HDGFL2: variants seen among roughly 807,000 people sequenced by gnomAD.
The protein encoded by HDGFL2 is hepatoma-derived growth factor-related protein 2.
HDGFL2 carries 36 observed loss-of-function variants against 77.1 expected under a neutral mutation model. The ratio of observed to expected loss-of-function variants is 0.47; its 90% CI spans 0.36 to 0.62. The LOEUF is 0.62. HDGFL2 is among the 20% of genes least tolerant of loss of function. HDGFL2 has a pLI of 0.00. For synonymous variants in HDGFL2, 463 were observed against 413.1 expected, an observed-to-expected ratio of 1.12 and a Z score of -1.46; for missense variants, 976 against 973.4, an observed-to-expected ratio of 1.00 and a Z score of -0.04.
At chr19:4,489,259 CTT>C (rs11365024) in intron 4 of HDGFL2, among the ~76,000 whole-genome samples, 79 of 143,444 alleles carry the variant, frequency 5.5e-4, no homozygotes, top group Middle Eastern at 3.5e-3. Flanking sequence ...GGCCACCTTT[CTT>C]TTTTTTTTTT....
intron 3 of HDGFL2, 108 bp downstream of exon 3, chr19:4,475,691 T>G: frequency 7.6e-6 from 10 of 1,313,682 alleles, no homozygotes; most frequent in African/African-American, 3.0e-5. Context: ...GGCTCGATCG[T>G]TCCCTGTGGT....
intron 3 of HDGFL2, among the ~76,000 whole-genome samples, chr19:4,481,304 C>T (rs939437713): frequency 2.0e-5 from 3 of 151,794 alleles, no homozygotes; most frequent in African/African-American, 7.3e-5. Context: ...TATTCTCCTG[C>T]CTCAGCCTCC....
Position 4,499,517 on chromosome 19 carries a change from C to A in HDGFL2, c.1602C>A (p.Asp534Glu), listed in dbSNP as rs758188882. 19 of 1,613,784 alleles carry A rather than the reference C, an allele frequency of 1.2e-5. No homozygotes were observed. In the South Asian group the frequency reaches 1.2e-4, roughly 10 times the overall value. The change falls in exon 14 of 16, where the codon GAC becomes GAA. Residue 534 changes from aspartate (D) to glutamate (E), a missense_variant. Asp to Glu is a conservative substitution (Grantham distance 45, BLOSUM62 2). Transcript: ENST00000616600. Reference protein sequence around the residue: ...KKIRRYKANKDVMEKAAEVYT... With the variant: ...KKIRRYKANKEVMEKAAEVYT... ...TTCGCCGTTACAAAGCGAACAAGGACGTAATGGAGAAGGCAGCAGAAGTCT... is the reference window on the plus strand; with the variant it reads ...TTCGCCGTTACAAAGCGAACAAGGAAGTAATGGAGAAGGCAGCAGAAGTCT...
intron 6 of HDGFL2, among the ~76,000 whole-genome samples, chr19:4,493,001 GT>G: frequency 1.5e-5 from 2 of 136,804 alleles, no homozygotes; most frequent in Non-Finnish European, 1.6e-5. Flanking sequence ...TGTGTGTGTG[GT>G]TGTGTGTGGT....
chr19:4,475,642 C>A, intron 3 of HDGFL2, 59 bp downstream of exon 3: 2 of 1,517,312 alleles, frequency 1.3e-6, no homozygotes, highest in Non-Finnish European at 1.8e-6. Context: ...GAAGGGGCCT[C>A]CAGTTAGGGT....
intron 3 of HDGFL2, 42 bp from the exon 4 acceptor site, chr19:4,488,631 CCCA>C: frequency 1.3e-6 from 2 of 1,504,918 alleles, no homozygotes; most frequent in Non-Finnish European, 1.8e-6. Flanking sequence ...GGGAAATCCA[CCCA>C]CGACTGGTGG....
intron 1 of HDGFL2, among the ~76,000 whole-genome samples, chr19:4,472,845 C>T (rs1435707029): frequency 6.9e-6 from 1 of 144,234 alleles, no homozygotes; most frequent in African/African-American, 2.6e-5. Context: ...CCTCAGGGAG[C>T]TGCGTCCTGG....
chr19:4,484,545 G>A (rs1204867382), intron 3 of HDGFL2, among the ~76,000 whole-genome samples: 2 of 151,442 alleles, frequency 1.3e-5, no homozygotes, highest in Non-Finnish European at 2.9e-5. Context: ...TGTTGCCCAG[G>A]CTGGAGTGCA....
intron 1 of HDGFL2, chr19:4,474,990 C>T (rs1177843555): frequency 7.4e-6 from 3 of 407,760 alleles, no homozygotes; most frequent in South Asian, 2.9e-5. Flanking sequence ...CTTGGCCCCA[C>T]CCCCTGGTTG....
At chr19:4,473,113 G>A (rs1475679801) in intron 1 of HDGFL2, among the ~76,000 whole-genome samples, 9 of 151,280 alleles carry the variant, frequency 5.9e-5, no homozygotes, top group African/African-American at 1.9e-4. Context: ...GGGGGTCCCG[G>A]GCCCGAGGAA....
chr19:4,481,746 C>T (rs935262765), intron 3 of HDGFL2, among the ~76,000 whole-genome samples: 8 of 152,032 alleles, frequency 5.3e-5, no homozygotes, highest in African/African-American at 1.9e-4. Context: ...CATGAGCCAC[C>T]GTGCCCGGCC....
At chr19:4,482,487 C>T (rs867324143) in intron 3 of HDGFL2, among the ~76,000 whole-genome samples, 2 of 152,224 alleles carry the variant, frequency 1.3e-5, no homozygotes, top group Middle Eastern at 6.8e-3. Context: ...GGATTATAGG[C>T]GTGAGCCACC....
At chr19:4,501,143 G>T (rs781263966) in intron 14 of HDGFL2, 48 bp from the exon 15 acceptor site, 65 of 1,609,678 alleles carry the variant, frequency 4.0e-5, no homozygotes, top group Non-Finnish European at 5.4e-5. Context: ...GTTCTGGGGT[G>T]CCCAGCTGGA....
chr19:4,493,136 T>G (rs201745128), intron 6 of HDGFL2, among the ~76,000 whole-genome samples: 2 of 88,718 alleles, frequency 2.3e-5, no homozygotes, highest in African/African-American at 4.1e-5. Context: ...GTGTGTGTGT[T>G]ATCTGTGTCT....
At chr19:4,479,058 G>A (rs888792531) in intron 3 of HDGFL2, among the ~76,000 whole-genome samples, 1 of 151,882 alleles carries the variant, frequency 6.6e-6, no homozygotes, top group African/African-American at 2.4e-5. Context: ...CAGGCATGGT[G>A]GCTCACGCCT....
chr19:4,480,823 C>T (rs897339770), intron 3 of HDGFL2, among the ~76,000 whole-genome samples: 3 of 152,132 alleles, frequency 2.0e-5, no homozygotes, highest in African/African-American at 7.2e-5. Flanking sequence ...TGACCATTGA[C>T]ATCCCCTCTG....
intron 14 of HDGFL2, among the ~76,000 whole-genome samples, chr19:4,500,237 G>A (rs1386346534): frequency 6.6e-6 from 1 of 152,206 alleles, no homozygotes; most frequent in Non-Finnish European, 1.5e-5. Context: ...GCGAGCTTGG[G>A]ATGGGGCTTT....
intron 10 of HDGFL2, chr19:4,497,169 G>A (rs1459943634): frequency 3.3e-5 from 15 of 450,206 alleles, no homozygotes; most frequent in Non-Finnish European, 2.2e-5. Flanking sequence ...CACCGTGCCT[G>A]GCTGCAGCCC....
rs761707774 is a variant in HDGFL2 at position 4,493,726 on chromosome 19, C to T, written c.702C>T (p.Ser234=). 1.2e-5 allele frequency: 18 copies of T among 1,489,472 alleles called. No individual in the cohort carries two copies. Among genetic ancestry groups the T allele is most frequent in the South Asian group, 5.3e-5 (4 of 76,044 alleles). The allele number at this position is 1,489,472 out of a possible 1,614,324, so 92.3% of individuals were successfully genotyped here. A position where few individuals can be genotyped will look rare whatever the true frequency, so the allele number is the denominator to read the frequency against. Residue 234 remains serine (S), a synonymous_variant, in exon 7 of 16, where the codon TCC becomes TCT. Transcript: ENST00000616600. The part of the protein sequence containing the change: ...KKKKAPSASD[S]DSKADSDGAK... ...AGAAGGCGCCATCAGCCTCCGACTC[C>T]GACTCCAAGGCCGATTCGGACGGGG...
Sources: allele counts gnomAD v4.1 joint callset (sites outside exome capture counted in the v4.1 genomes callset), GRCh38; gene constraint gnomAD v4.1.1; transcripts MANE v1.5; gene names NCBI Gene and HGNC (gene_info 2026-07-23, HGNC 2026-07-21).